The following RBMX2 variants were observed in gnomAD, a reference collection of about 807,000 sequenced individuals.
RBMX2 encodes RNA binding motif protein X-linked 2.
For synonymous variants in RBMX2, 77 were observed against 94.3 expected (o/e 0.82, Z 1.07); for missense variants, 191 against 256.0 (o/e 0.75, Z 1.73).
Position 130,405,327 on chromosome X carries a change from C to G in RBMX2, c.173+1474C>G, listed in dbSNP as rs192828752. Among the ~76,000 whole-genome samples the G allele has an allele frequency of 8.6e-3, 929 of 108,025 alleles. 5 individuals are homozygous for G. The highest frequency in any genetic ancestry group is 0.033 in the Middle Eastern group (7 of 214). The allele number at this position is 108,025 out of a possible 115,157, so 93.8% of individuals were successfully genotyped here. The stretch of plus-strand genomic sequence containing the variant: ...CCGGGAGGTGGAGGTTGCAGTGAGC[C>G]AGGATTGCGCCATTGCACTCCAGCC... On this transcript the variant is annotated intron_variant, in intron 3 of 5. Coordinates refer to ENST00000305536, the MANE Select transcript of RBMX2 (RefSeq NM_016024.4).
chrX:130,404,063 G>C (rs924487158), intron 3 of RBMX2: 2 of 401,042 alleles, frequency 5.0e-6, no homozygotes, highest in Non-Finnish European at 8.8e-6. Context: ...AATTTGGGAG[G>C]GCATCTTGGG....
chrX:130,408,070 G>GCCTCAATCCTCCTGC (rs1171574189), intron 3 of RBMX2, among the ~76,000 whole-genome samples: 1 of 110,901 alleles, frequency 9.0e-6, no homozygotes, highest in African/African-American at 3.3e-5. Flanking sequence ...CGAACTACTG[G>GCCTCAATCCTCCTGC]CCTCAATCCT....
chrX:130,409,931 T>C (rs1009682451), intron 4 of RBMX2, among the ~76,000 whole-genome samples: 4 of 112,647 alleles, frequency 3.6e-5, no homozygotes, highest in Non-Finnish European at 7.5e-5. Context: ...TCATTTCCAC[T>C]GTCATAAGTG....
chrX:130,405,433 G>A (rs540580966), intron 3 of RBMX2, among the ~76,000 whole-genome samples: 4 of 110,986 alleles, frequency 3.6e-5, no homozygotes, highest in African/African-American at 1.3e-4. Flanking sequence ...ATTTTGGAAG[G>A]TAATACATAG....
chrX:130,408,297 C>CT (rs1488019756), intron 3 of RBMX2, among the ~76,000 whole-genome samples: 1 of 112,185 alleles, frequency 8.9e-6, no homozygotes, highest in African/African-American at 3.2e-5. Flanking sequence ...CATGCCGAGC[C>CT]TAATTTCTGC....
intron 5 of RBMX2, 24 bp from the exon 6 acceptor site, chrX:130,412,337 C>A: frequency 9.6e-7 from 1 of 1,041,134 alleles, no homozygotes; most frequent in East Asian, 3.4e-5. Flanking sequence ...TTCTTATTTA[C>A]TGCTTCTTTC....
At chrX:130,404,780 C>T (rs895412579) in intron 3 of RBMX2, among the ~76,000 whole-genome samples, 5 of 112,225 alleles carry the variant, frequency 4.5e-5, no homozygotes, top group Admixed American at 9.3e-5. Context: ...GGGCAATACC[C>T]GTGAGAAGAA....
At chrX:130,407,616 A>AT (rs1356482527) in intron 3 of RBMX2, among the ~76,000 whole-genome samples, 5 of 108,958 alleles carry the variant, frequency 4.6e-5, no homozygotes, top group African/African-American at 1.7e-4. Context: ...CTTACCTGGA[A>AT]TTTATCTTTT....
chrX:130,412,402 G>A lies in RBMX2; in HGVS notation c.523G>A (p.Ala175Thr). The A allele has an allele frequency of 8.6e-7, 1 of 1,168,698 alleles. No homozygotes were observed. Among genetic ancestry groups the A allele is most frequent in the African/African-American group, 1.8e-5 (1 of 54,533 alleles). ...GAAAAAAAAGAAAGAAAAAGAGAAA[G>A]CCGACCGGGAGGTACAGGCAGAGCA... ...KKKKKKEKEK[A>T]DREVQAEQPS... is the part of the protein sequence containing the mutation. Residue 175 changes from alanine (A) to threonine (T), a missense_variant, in exon 6 of 6, where the codon GCC (alanine) becomes ACC (threonine). Transcript: ENST00000305536.
intron 3 of RBMX2, among the ~76,000 whole-genome samples, chrX:130,406,673 C>CAAAAAAA (rs760646561): frequency 1.7e-5 from 1 of 58,777 alleles, no homozygotes; most frequent in African/African-American, 5.8e-5. Flanking sequence ...ACTCTGTCTC[C>CAAAAAAA]AAAAAAAAAA....
At chrX:130,411,625 A>G in intron 5 of RBMX2, 100 bp downstream of exon 5, 1 of 825,420 alleles carries the variant, frequency 1.2e-6, no homozygotes, top group Non-Finnish European at 1.7e-6. Context: ...GTGAAAGGGG[A>G]AGGTGTGGGG....
At chrX:130,404,060 G>T (rs2034471005) in intron 3 of RBMX2, 1 of 412,507 alleles carries the variant, frequency 2.4e-6, no homozygotes, top group Non-Finnish European at 4.3e-6. Context: ...GTTAATTTGG[G>T]AGGGCATCTT....
At chrX:130,404,066 A>G in intron 3 of RBMX2, 1 of 403,929 alleles carries the variant, frequency 2.5e-6, no homozygotes, top group Non-Finnish European at 4.4e-6. Flanking sequence ...TTGGGAGGGC[A>G]TCTTGGGGAT....
At chrX:130,411,586 T>C (rs1219026692) in intron 5 of RBMX2, 61 bp downstream of exon 5, 6 of 990,919 alleles carry the variant, frequency 6.1e-6, no homozygotes, top group African/African-American at 1.9e-5. Flanking sequence ...CTTCCTTGCA[T>C]TCACTGATAG....
At chrX:130,404,140 T>G (rs2034471434) in intron 3 of RBMX2, 1 of 307,797 alleles carries the variant, frequency 3.2e-6, no homozygotes, top group Non-Finnish European at 5.8e-6. Flanking sequence ...TGGAACAGAC[T>G]GGACTCCTTG....
intron 3 of RBMX2, 79 bp from the exon 4 acceptor site, chrX:130,409,178 T>C: frequency 1.1e-6 from 1 of 910,504 alleles, no homozygotes; most frequent in South Asian, 2.8e-5. Context: ...CTATATTATT[T>C]GAATTTTGTT....
chrX:130,412,969 A>T lies in RBMX2; in HGVS notation c.*121A>T. Reference sequence around the variant, plus strand: ...GGGGCTGGATTCTTTTAATCCCTTGACTATTTAGAGTCATTGGGAGGGCTG... The same window carrying T: ...GGGGCTGGATTCTTTTAATCCCTTGTCTATTTAGAGTCATTGGGAGGGCTG... On this transcript the variant is annotated 3_prime_UTR_variant, in exon 6 of 6. Transcript: ENST00000305536. 1 of 753,118 alleles carries T rather than the reference A, an allele frequency of 1.3e-6. No individual in the cohort carries two copies. The highest frequency in any genetic ancestry group is 1.9e-6 in the Non-Finnish European group (1 of 534,052). The allele number at this position is 753,118 out of a possible 1,213,427, so 62.1% of individuals were successfully genotyped here.
At chrX:130,406,673 CAAAA>C (rs760646561) in intron 3 of RBMX2, among the ~76,000 whole-genome samples, 4 of 58,747 alleles carry the variant, frequency 6.8e-5, no homozygotes, top group Non-Finnish European at 3.5e-5. Context: ...ACTCTGTCTC[CAAAA>C]AAAAAAAAAA....
chrX:130,411,135 C>A, intron 4 of RBMX2: 1 of 303,963 alleles, frequency 3.3e-6, no homozygotes. Flanking sequence ...ACAACTGCCC[C>A]AGGCCTCATC....
Sources: gnomAD v4.1 joint callset for allele counts (sites outside exome capture counted in the v4.1 genomes callset) on GRCh38, gnomAD v4.1.1 for gene constraint, MANE v1.5 for transcripts, NCBI Gene and HGNC (gene_info 2026-07-23, HGNC 2026-07-21) for gene names.